Variants in ATP5F1A observed in about 807,000 individuals in gnomAD.
The protein encoded by ATP5F1A is ATP synthase F1 subunit alpha.
ATP5F1A carries 24 observed loss-of-function variants against 57.4 expected under a neutral mutation model. That is an observed-to-expected ratio of 0.42 (90% CI 0.30 to 0.59). The LOEUF is 0.59. Ranked by LOEUF, ATP5F1A falls within the 20% of genes least tolerant of loss-of-function variation. ATP5F1A has a pLI of 0.19. For missense variants in ATP5F1A, 494 were observed against 707.9 expected, an observed-to-expected ratio of 0.70 and a Z score of 3.43; for synonymous variants, 251 against 255.5, an observed-to-expected ratio of 0.98 and a Z score of 0.17.
At chr18:46,103,838 C>G (rs1911366134) in intron 1 of ATP5F1A, among the ~76,000 whole-genome samples, 1 of 151,458 alleles carries the variant, frequency 6.6e-6, no homozygotes, top group South Asian at 2.1e-4. Flanking sequence ...CGCTTGAACC[C>G]AGGAGGCAGA....
intron 8 of ATP5F1A, chr18:46,086,801 C>T (rs529490062): frequency 5.1e-5 from 32 of 632,464 alleles, no homozygotes; most frequent in East Asian, 4.7e-4. Context: ...GAAACTAGAA[C>T]GAAACATGCT....
At chr18:46,086,911 G>A in intron 8 of ATP5F1A, 97 bp downstream of exon 8, 1 of 1,308,242 alleles carries the variant, frequency 7.6e-7, no homozygotes. Context: ...AAAGTAAAAT[G>A]CATTTAGCAA....
intron 1 of ATP5F1A, 43 bp downstream of exon 1, chr18:46,098,129 G>C: frequency 6.3e-7 from 1 of 1,576,468 alleles, no homozygotes; most frequent in Non-Finnish European, 8.6e-7. Context: ...CCACCCTGCA[G>C]CCCCACCCGG....
At chr18:46,098,368 TCTC>T, upstream of ATP5F1A, 1 of 1,230,922 alleles carries the variant, frequency 8.1e-7, no homozygotes, top group Non-Finnish European at 1.0e-6. Context: ...GTTCACCACC[TCTC>T]CCCCCGCCCC....
At chr18:46,090,995 T>A (rs1345123474) in intron 3 of ATP5F1A, among the ~76,000 whole-genome samples, 2 of 152,218 alleles carry the variant, frequency 1.3e-5, no homozygotes, top group East Asian at 3.8e-4. Flanking sequence ...GATGCTAAAT[T>A]GGCCAATGTC....
upstream of ATP5F1A, among the ~76,000 whole-genome samples, chr18:46,103,075 G>A (rs1382556596): frequency 6.6e-6 from 1 of 152,170 alleles, no homozygotes; most frequent in Non-Finnish European, 1.5e-5. Flanking sequence ...GCCGAGGCAG[G>A]CAGATCACTT....
intron 3 of ATP5F1A, among the ~76,000 whole-genome samples, chr18:46,090,852 C>T (rs1910504698): frequency 6.6e-6 from 1 of 152,198 alleles, no homozygotes; most frequent in Non-Finnish European, 1.5e-5. Flanking sequence ...ATTCTCATCA[C>T]TGCAGAATAC....
Position 46,084,544 on chromosome 18 carries a change from G to C in ATP5F1A, c.1540C>G (p.His514Asp). Residue 514 changes from histidine to aspartate, a missense_variant, in exon 11 of 12, where the codon CAT becomes GAT. Transcript: ENST00000398752. ...AAGGCTTGGTGCTGGCTGACGACAT[G>C]AGACAAGAAAGCATTCTCAAACTTT... ...ITKFENAFLS[H>D]VVSQHQALLG... 1 of 1,611,668 alleles carries C rather than the reference G, an allele frequency of 6.2e-7. No individual in the cohort carries two copies. Among genetic ancestry groups the C allele is most frequent in the Middle Eastern group, 1.7e-4 (1 of 6,050 alleles).
Position 46,081,686 on chromosome 18 carries a change from A to AAAAAAAAAAAAAACAAAC in ATP5F1A, c.*2595_*2596insGTTTGTTTTTTTTTTTTT, listed in dbSNP as rs1909758536. 6.7e-6 allele frequency: 1 copy of AAAAAAAAAAAAAACAAAC among 149,176 alleles called. No homozygotes were observed. Among genetic ancestry groups the AAAAAAAAAAAAAACAAAC allele is most frequent in the Non-Finnish European group, 1.5e-5 (1 of 67,428 alleles). 9.2% of individuals were successfully genotyped at this position (149,176 alleles called of 1,614,324 possible). On this transcript the variant is annotated 3_prime_UTR_variant, in exon 12 of 12. Coordinates refer to ENST00000398752, the MANE Select transcript of ATP5F1A (RefSeq NM_004046.6). ...AAAAAAAAAAAACAAAAAAAAAAAAAAAAAAAAAAAACGAAATGTGCAGAA... is the reference window on the plus strand; with the variant it reads ...AAAAAAAAAAAACAAAAAAAAAAAAAAAAAAAAAAAAAACAAACAAAAAAAAAAACGAAATGTGCAGAA...
intron 1 of ATP5F1A, chr18:46,104,055 C>T (rs1283874898): frequency 2.5e-5 from 6 of 244,792 alleles, no homozygotes; most frequent in African/African-American, 1.1e-4. Context: ...TCTTGCTAAG[C>T]AAGAACCAAA....
chr18:46,089,611 A>G lies in ATP5F1A; in HGVS notation c.605T>C (p.Ile202Thr). The G allele has an allele frequency of 6.2e-7, 1 of 1,614,236 alleles. No individual in the cohort carries two copies. The highest frequency in any genetic ancestry group is 1.3e-5 in the African/African-American group (1 of 75,068). Residue 202 changes from isoleucine (I) to threonine (T), a missense_variant, in exon 5 of 12, where the codon ATT (isoleucine) becomes ACT (threonine). Around this residue, in one of 6 missense-constraint regions of ATP5F1A, gnomAD observed 191 missense variants for 267.7 expected, o/e 0.71. Coordinates refer to ENST00000398752, the MANE Select transcript of ATP5F1A (RefSeq NM_004046.6). ...GIKAVDSLVP[I>T]GRGQRELIIG... ...AATCAGTTCACGCTGACCACGACCA[A>G]TTGGCACCAAGCTATCCACAGCCTT... is the stretch of plus-strand genomic sequence containing the variant.
At chr18:46,099,155 C>G (rs1229864914), upstream of ATP5F1A, 2 of 152,196 alleles carry the variant, frequency 1.3e-5, no homozygotes, top group Non-Finnish European at 2.9e-5. Flanking sequence ...GCCAATCCTA[C>G]TGAGAATTGT....
upstream of ATP5F1A, among the ~76,000 whole-genome samples, chr18:46,100,106 C>A (rs960367897): frequency 6.6e-6 from 1 of 151,818 alleles, no homozygotes; most frequent in Non-Finnish European, 1.5e-5. Context: ...CAAAAATTAG[C>A]CCGGCATGGG....
At chr18:46,087,908 T>C in intron 6 of ATP5F1A, 1 of 582,482 alleles carries the variant, frequency 1.7e-6, no homozygotes, top group Non-Finnish European at 2.9e-6. Flanking sequence ...TTAATCAGAA[T>C]CAAACAGCTT....
chr18:46,104,190 G>T (rs1479628022), exon 1 of ATP5F1A: 7 of 405,720 alleles, frequency 1.7e-5, no homozygotes, highest in African/African-American at 4.1e-5. Context: ...CGGAAGGCGG[G>T]AAGAGCTGGG....
intron 10 of ATP5F1A, chr18:46,085,068 A>T (rs1909980263): frequency 6.5e-6 from 1 of 153,770 alleles, no homozygotes; most frequent in Non-Finnish European, 1.4e-5. Context: ...GAAGACATTA[A>T]ATATACTTAA....
intron 1 of ATP5F1A, among the ~76,000 whole-genome samples, chr18:46,097,263 A>C (rs973179720): frequency 6.6e-6 from 1 of 152,112 alleles, no homozygotes; most frequent in African/African-American, 2.4e-5. Flanking sequence ...TAAGGCAGCA[A>C]AACAGCCAAC....
At chr18:46,091,012 C>T (rs988787021) in intron 3 of ATP5F1A, among the ~76,000 whole-genome samples, 5 of 152,222 alleles carry the variant, frequency 3.3e-5, no homozygotes, top group African/African-American at 7.2e-5. Context: ...TGTCTTACAG[C>T]TAATGATAAC....
chr18:46,096,289 T>C (rs1568254246), intron 1 of ATP5F1A, among the ~76,000 whole-genome samples: 2 of 151,118 alleles, frequency 1.3e-5, no homozygotes, highest in African/African-American at 2.4e-5. Context: ...TTACCTAAGG[T>C]CGGGAGTTGG....
Sources: gnomAD v4.1 joint callset for allele counts (sites outside exome capture counted in the v4.1 genomes callset) on GRCh38, gnomAD v4.1.1 for gene constraint, gnomAD v4.1.1 regional missense constraint, MANE v1.5 for transcripts, NCBI Gene and HGNC (gene_info 2026-07-23, HGNC 2026-07-21) for gene names.